Variants in UNC79 observed in about 807,000 individuals in gnomAD.
UNC79 encodes the protein protein unc-79 homolog.
A neutral mutation model predicts 283.1 loss-of-function variants in UNC79; 37 were observed. That is an observed-to-expected ratio of 0.13 (90% CI 0.10 to 0.17). UNC79 has a LOEUF of 0.17. UNC79 is among the 10% of genes least tolerant of loss of function. The pLI is 1.00. For missense variants in UNC79, 2,272 were observed against 3,211.1 expected, an observed-to-expected ratio of 0.71 and a Z score of 7.07; for synonymous variants, 1,107 against 1,200.2, an observed-to-expected ratio of 0.92 and a Z score of 1.61.
At chr14:93,679,525 A>G (rs1213228508) in intron 41 of UNC79, among the ~76,000 whole-genome samples, 1 of 152,162 alleles carries the variant, frequency 6.6e-6, no homozygotes, top group African/African-American at 2.4e-5. Flanking sequence ...ATACCTGCAT[A>G]TTGAAGTTAT....
chr14:93,418,260 C>G (rs1372238649), intron 1 of UNC79, among the ~76,000 whole-genome samples: 1 of 151,744 alleles, frequency 6.6e-6, no homozygotes, highest in Non-Finnish European at 1.5e-5. Flanking sequence ...AGCTGCAGGT[C>G]TGTTGGAGTT....
At chr14:93,661,532 C>T (rs2071601605) in intron 39 of UNC79, among the ~76,000 whole-genome samples, 1 of 152,180 alleles carries the variant, frequency 6.6e-6, no homozygotes, top group African/African-American at 2.4e-5. Context: ...CCTATCTTCT[C>T]TGCAGAGCAA....
At chr14:93,641,464 G>A (rs1473701958) in intron 33 of UNC79, among the ~76,000 whole-genome samples, 1 of 152,062 alleles carries the variant, frequency 6.6e-6, no homozygotes, top group Non-Finnish European at 1.5e-5. Context: ...ACTAGCCTGG[G>A]CAACATGGCA....
chr14:93,492,311 T>A (rs781418168), intron 5 of UNC79, among the ~76,000 whole-genome samples: 2 of 151,182 alleles, frequency 1.3e-5, no homozygotes, highest in Non-Finnish European at 3.0e-5. Flanking sequence ...TCAGAAAAGA[T>A]TTTGCGTCAC....
At chr14:93,426,285 T>C (rs994051370), upstream of UNC79, among the ~76,000 whole-genome samples, 11 of 152,012 alleles carry the variant, frequency 7.2e-5, no homozygotes, top group South Asian at 2.1e-4. Context: ...TTTTTCAGCA[T>C]TTTGAATCTG....
intron 5 of UNC79, 70 bp downstream of exon 5, chr14:93,487,825 C>CTTGT: frequency 1.4e-6 from 2 of 1,427,202 alleles, no homozygotes; most frequent in Non-Finnish European, 1.9e-6. Context: ...AACAAGCAGG[C>CTTGT]TAGATGTTCT....
At chr14:93,480,944 A>G (rs2058098645) in intron 4 of UNC79, among the ~76,000 whole-genome samples, 1 of 152,224 alleles carries the variant, frequency 6.6e-6, no homozygotes, top group South Asian at 2.1e-4. Context: ...GATGGAAAAC[A>G]TGAACTGCTT....
At chr14:93,508,394 A>C (rs2059656261) in intron 7 of UNC79, among the ~76,000 whole-genome samples, 1 of 152,164 alleles carries the variant, frequency 6.6e-6, no homozygotes, top group South Asian at 2.1e-4. Context: ...CAACAACAAC[A>C]ACAACAAAAA....
chr14:93,576,175 A>G (rs907006444), intron 17 of UNC79, among the ~76,000 whole-genome samples: 3 of 152,174 alleles, frequency 2.0e-5, no homozygotes, highest in East Asian at 1.9e-4. Flanking sequence ...TCATTTTACA[A>G]CTACCTAACC....
chr14:93,529,390 C>A, intron 10 of UNC79, 64 bp downstream of exon 10: 1 of 1,555,474 alleles, frequency 6.4e-7, no homozygotes. Context: ...GTTGCTTTAT[C>A]TCCTTTTGTA....
chr14:93,671,299 A>T (rs2072823976), intron 40 of UNC79, among the ~76,000 whole-genome samples: 1 of 152,194 alleles, frequency 6.6e-6, no homozygotes, highest in Non-Finnish European at 1.5e-5. Flanking sequence ...ATGAAATAAT[A>T]AATACCAGAT....
chr14:93,482,505 C>T (rs943139425), intron 4 of UNC79, among the ~76,000 whole-genome samples: 8 of 152,116 alleles, frequency 5.3e-5, no homozygotes. Context: ...AACACAATTA[C>T]CTCTGCTCAC....
Position 93,621,592 on chromosome 14 carries a change from A to G in UNC79, c.4388-29A>G, listed in dbSNP as rs1350350977. ...AAAAATGGTGAAATCTCCAAGTAAA[A>G]TAGTACTAGCTTTTTCTGTTTTGAT... On this transcript the variant is annotated intron_variant, in intron 29 of 48. Coordinates refer to ENST00000555664, the Ensembl canonical transcript of UNC79. This position sits in a 1 kb window ranked among gnomAD's most constrained non-coding sequence, Gnocchi z 4.8. 1 of 1,505,772 alleles carries G rather than the reference A, an allele frequency of 6.6e-7. No individual in the cohort carries two copies. Among genetic ancestry groups the G allele is most frequent in the Non-Finnish European group, 8.9e-7 (1 of 1,129,918 alleles). The allele number at this position is 1,505,772 out of a possible 1,614,324, so 93.3% of individuals were successfully genotyped here.
At chr14:93,351,950 C>T (rs573447624) in intron 1 of UNC79, among the ~76,000 whole-genome samples, 31 of 152,326 alleles carry the variant, frequency 2.0e-4, no homozygotes, top group African/African-American at 7.5e-4. Flanking sequence ...ATGTTAATCT[C>T]TTACAGTCTT....
exon 17 of UNC79, chr14:93,575,168 T>C (rs1359903034): frequency 1.2e-6 from 2 of 1,613,888 alleles, no homozygotes; most frequent in Non-Finnish European, 1.7e-6. Context: ...CAAGAGTCAG[T>C]GAACTGGCAG....
At chr14:93,705,764 C>T (rs144618361) in intron 48 of UNC79, among the ~76,000 whole-genome samples, 185 of 152,324 alleles carry the variant, frequency 1.2e-3, no homozygotes, top group African/African-American at 4.2e-3. Context: ...GTCTGTAGCA[C>T]TAAGAGTGTC....
intron 44 of UNC79, chr14:93,689,796 G>T: frequency 3.8e-6 from 1 of 259,976 alleles, no homozygotes; most frequent in Non-Finnish European, 7.2e-6. Flanking sequence ...GCCCACCAGA[G>T]AAGAAATTTC....
At chr14:93,546,985 A>G (rs1010499153) in intron 14 of UNC79, among the ~76,000 whole-genome samples, 1 of 152,238 alleles carries the variant, frequency 6.6e-6, no homozygotes, top group African/African-American at 2.4e-5. Flanking sequence ...AACATCAGAT[A>G]ACAATTACTA....
intron 1 of UNC79, among the ~76,000 whole-genome samples, chr14:93,407,022 C>G (rs945460348): frequency 1.3e-5 from 2 of 152,100 alleles, no homozygotes; most frequent in Non-Finnish European, 2.9e-5. Context: ...TCTTGGTATT[C>G]CTTGGTTTGT....
Sources: allele counts gnomAD v4.1 joint callset (sites outside exome capture counted in the v4.1 genomes callset), GRCh38; gene constraint gnomAD v4.1.1; non-coding constraint Gnocchi (gnomAD v3.1); transcripts MANE v1.5; gene names NCBI Gene and HGNC (gene_info 2026-07-23, HGNC 2026-07-21).